The following TLK1 variants were observed in gnomAD, a reference collection of about 807,000 sequenced individuals.
TLK1 encodes the protein serine/threonine-protein kinase tousled-like 1.
Under a neutral mutation model 105.3 loss-of-function variants are expected in TLK1, and 24 were observed. The ratio of observed to expected loss-of-function variants is 0.23; its 90% CI spans 0.17 to 0.32. TLK1 has a LOEUF of 0.32. Ranked by LOEUF, TLK1 falls within the 10% of genes least tolerant of loss-of-function variation. The pLI, the probability that TLK1 is intolerant of heterozygous loss-of-function variation, is 1.00. For missense variants in TLK1, 558 were observed against 910.5 expected, an observed-to-expected ratio of 0.61 and a Z score of 4.98; for synonymous variants, 321 against 310.4, an observed-to-expected ratio of 1.03 and a Z score of -0.36.
intron 1 of TLK1, among the ~76,000 whole-genome samples, chr2:171,135,918 T>C (rs1345651256): frequency 6.6e-6 from 1 of 152,154 alleles, no homozygotes; most frequent in Non-Finnish European, 1.5e-5. Flanking sequence ...TGTCAAGGAT[T>C]GTGGAAAAAT....
chr2:171,121,340 T>C (rs1276644923), intron 1 of TLK1, among the ~76,000 whole-genome samples: 2 of 152,176 alleles, frequency 1.3e-5, no homozygotes, highest in East Asian at 1.9e-4. Context: ...AAGATCAGCC[T>C]GAGCAACGTG....
chr2:171,214,910 G>A (rs1224512312), intron 1 of TLK1, among the ~76,000 whole-genome samples: 1 of 152,006 alleles, frequency 6.6e-6, no homozygotes, highest in Non-Finnish European at 1.5e-5. Context: ...ACTGAAGCCT[G>A]ACTCCGCCTG....
chr2:170,997,081 T>A (rs991204117), intron 19 of TLK1, among the ~76,000 whole-genome samples: 1 of 152,264 alleles, frequency 6.6e-6, no homozygotes, highest in South Asian at 2.1e-4. Context: ...AGAGAAGAGA[T>A]GAAGTAGTAA....
At chr2:171,014,773 A>G (rs552252534) in intron 13 of TLK1, 78 bp downstream of exon 13, 2 of 1,088,522 alleles carry the variant, frequency 1.8e-6, no homozygotes, top group Non-Finnish European at 2.8e-6. Context: ...CCCAAGAAGG[A>G]AATATTGTGT....
At chr2:170,999,571 CAG>C (rs1684258271) in intron 18 of TLK1, among the ~76,000 whole-genome samples, 1 of 151,956 alleles carries the variant, frequency 6.6e-6, no homozygotes, top group East Asian at 1.9e-4. Flanking sequence ...AATTTGAGAC[CAG>C]AGAGACAAAA....
chr2:171,169,710 A>G (rs1365391690), intron 1 of TLK1, among the ~76,000 whole-genome samples: 1 of 152,208 alleles, frequency 6.6e-6, no homozygotes, highest in Non-Finnish European at 1.5e-5. Context: ...GGGAAAAAAA[A>G]CGCTGTATTT....
intron 11 of TLK1, among the ~76,000 whole-genome samples, chr2:171,044,276 AAAAT>A (rs755996400): frequency 7.2e-5 from 11 of 152,168 alleles, no homozygotes; most frequent in Non-Finnish European, 1.6e-4. Context: ...ATAAAAAATA[AAAAT>A]AAATAAAATC....
rs138387498 is a variant in TLK1 at position 171,132,921 on chromosome 2, C to A, written c.140-15064G>T. On this transcript the variant is annotated intron_variant, in intron 1 of 20. Coordinates refer to ENST00000431350, the MANE Select transcript of TLK1 (RefSeq NM_012290.5). ...TCAACTCCACCACACAGTTAACTCT[C>A]AGCAACGATTTCTTTATTTGTAAAA... Among the ~76,000 whole-genome samples, 889 of 152,272 alleles carry A rather than the reference C, an allele frequency of 5.8e-3. 9 individuals carry two copies. Among genetic ancestry groups the A allele is most frequent in the African/African-American group, 0.02 (824 of 41,554 alleles).
At chr2:171,057,804 C>T (rs1687573267) in intron 5 of TLK1, among the ~76,000 whole-genome samples, 1 of 152,066 alleles carries the variant, frequency 6.6e-6, no homozygotes, top group African/African-American at 2.4e-5. Flanking sequence ...TGCTCAAGGT[C>T]ACTGCTGCCA....
At position 171,189,556 on chromosome 2, in the gene TLK1, A is replaced by T. The variant is rs1693102766; in HGVS notation, c.-6+41589T>A. 2.6e-5 allele frequency among the ~76,000 whole-genome samples: 4 copies of T among 152,250 alleles called. No individual in the cohort carries two copies. In the South Asian group the frequency reaches 8.3e-4, roughly 31 times the overall value. On this transcript the variant is annotated intron_variant, in intron 1 of 20. Coordinates refer to the TLK1 transcript ENST00000521943. ...TTATTGCATAGGCCAACCAATTTTT[A>T]AAATGTTCAAAGTCCCACAGGGTGG...
chr2:171,079,218 C>T (rs1336099727), intron 3 of TLK1, among the ~76,000 whole-genome samples: 1 of 152,196 alleles, frequency 6.6e-6, no homozygotes. Flanking sequence ...TTTCATACTT[C>T]ACTCTGTCTT....
At position 170,993,130 on chromosome 2, in the gene TLK1, C is replaced by T. The variant is rs1458720764; in HGVS notation, c.*650G>A. 2.0e-5 allele frequency: 3 copies of T among 152,582 alleles called. No individual in the cohort carries two copies. Among genetic ancestry groups the T allele is most frequent in the African/African-American group, 7.2e-5 (3 of 41,434 alleles). The allele number at this position is 152,582 out of a possible 1,614,324, so 9.5% of individuals were successfully genotyped here. ...AAAGTATTTAGAAATAATAGCTCTC[C>T]CTTTAATATAACCAGTGAAAGAAAA... On this transcript the variant is annotated 3_prime_UTR_variant, in exon 21 of 21. Coordinates refer to ENST00000431350, the MANE Select transcript of TLK1 (RefSeq NM_012290.5).
At chr2:170,998,720 C>A (rs1168151347) in intron 18 of TLK1, among the ~76,000 whole-genome samples, 1 of 152,194 alleles carries the variant, frequency 6.6e-6, no homozygotes, top group East Asian at 1.9e-4. Flanking sequence ...GTCTGAAACA[C>A]AATGGGTATT....
intron 4 of TLK1, among the ~76,000 whole-genome samples, chr2:171,060,270 C>T (rs2105445038): frequency 6.6e-6 from 1 of 152,234 alleles, no homozygotes; most frequent in Middle Eastern, 3.4e-3. Context: ...AGCTCCAAGT[C>T]CACTAACTAC....
chr2:171,206,037 G>A (rs1156740955), intron 1 of TLK1, among the ~76,000 whole-genome samples: 1 of 152,092 alleles, frequency 6.6e-6, no homozygotes, highest in Admixed American at 6.6e-5. Flanking sequence ...ATGAAACTAT[G>A]TTATATTTTG....
chr2:171,160,698 C>G lies in TLK1; in HGVS notation c.-270G>C, dbSNP rs1209897152. 2.1e-6 allele frequency: 1 copy of G among 486,110 alleles called. No homozygotes were observed. The highest frequency in any genetic ancestry group is 4.7e-5 in the South Asian group (1 of 21,314). The allele number at this position is 486,110 out of a possible 1,614,324, so 30.1% of individuals were successfully genotyped here. On this transcript the variant is annotated 5_prime_UTR_variant, in exon 1 of 21. Coordinates refer to ENST00000431350, the MANE Select transcript of TLK1 (RefSeq NM_012290.5). The surrounding 1 kb of genome is among the most constrained non-coding windows in gnomAD (Gnocchi z 4.4). ...CCAGAGGAGAGGAGGAGGAAAGGAG[C>G]GCGGCGGCGGAGGCGTCGAGGGGGT...
chr2:171,089,474 T>C (rs1399991674), intron 2 of TLK1, among the ~76,000 whole-genome samples: 2 of 152,224 alleles, frequency 1.3e-5, no homozygotes, highest in East Asian at 3.8e-4. Context: ...AGTGAAGAGT[T>C]ATTTATTTTC....
chr2:171,089,328 C>A (rs528957778), intron 2 of TLK1, among the ~76,000 whole-genome samples: 8 of 152,258 alleles, frequency 5.3e-5, no homozygotes, highest in Non-Finnish European at 8.8e-5. Flanking sequence ...CCTTTTGGAA[C>A]CTATTTATGA....
At chr2:171,047,556 G>A (rs1396278032) in intron 10 of TLK1, among the ~76,000 whole-genome samples, 8 of 152,150 alleles carry the variant, frequency 5.3e-5, no homozygotes, top group Non-Finnish European at 1.2e-4. Context: ...AAGATTGAAA[G>A]GGTAGAGAAA....
Sources: allele counts gnomAD v4.1 joint callset (sites outside exome capture counted in the v4.1 genomes callset), GRCh38; gene constraint gnomAD v4.1.1; non-coding constraint Gnocchi (gnomAD v3.1); transcripts MANE v1.5; gene names NCBI Gene and HGNC (gene_info 2026-07-23, HGNC 2026-07-21).